BANP: variants seen among roughly 807,000 people sequenced by gnomAD.
BANP encodes the protein protein BANP.
Under a neutral mutation model 68.1 loss-of-function variants are expected in BANP, and 11 were observed. The ratio of observed to expected loss-of-function variants is 0.16; its 90% CI spans 0.10 to 0.27. The LOEUF (loss-of-function observed/expected upper bound fraction) is 0.27, where lower values mean the gene tolerates loss of function less well. Ranked by LOEUF, BANP falls within the 10% of genes least tolerant of loss-of-function variation. The pLI is 1.00. For missense variants in BANP, 504 were observed against 722.7 expected (o/e 0.70, Z 3.47); for synonymous variants, 329 against 303.2 (o/e 1.09, Z -0.88).
At chr16:87,968,834 C>T (rs371193499) in intron 1 of BANP, among the ~76,000 whole-genome samples, 2 of 152,164 alleles carry the variant, frequency 1.3e-5, no homozygotes, top group African/African-American at 4.8e-5. Flanking sequence ...CAGCTTAGAT[C>T]TGCATATTTT....
upstream of BANP, chr16:87,949,369 T>C (rs546329306): frequency 6.6e-6 from 1 of 152,312 alleles, no homozygotes; most frequent in South Asian, 2.1e-4. Flanking sequence ...AATGCAGCCG[T>C]GATTGAGGTG....
intron 11 of BANP, among the ~76,000 whole-genome samples, chr16:88,044,168 G>A (rs1027607298): frequency 1.3e-5 from 2 of 152,224 alleles, no homozygotes; most frequent in African/African-American, 2.4e-5. Flanking sequence ...CGCATTCTGC[G>A]GCGATGCTGC....
intron 1 of BANP, chr16:87,966,827 A>T (rs1401775930): frequency 6.6e-6 from 1 of 152,338 alleles, no homozygotes. Context: ...GCTCCAGAAT[A>T]CCCTGTTTTG....
chr16:88,024,824 A>G (rs140478016), intron 7 of BANP, among the ~76,000 whole-genome samples: 3,213 of 152,336 alleles, frequency 0.021, 59 homozygotes, highest in South Asian at 0.06. Flanking sequence ...TAACCAGATG[A>G]ATATATATTT....
At chr16:87,967,870 C>G (rs1262551727) in intron 1 of BANP, among the ~76,000 whole-genome samples, 3 of 151,986 alleles carry the variant, frequency 2.0e-5, no homozygotes, top group Non-Finnish European at 2.9e-5. Context: ...ATCTGCCCGC[C>G]TTGGCCCCCC....
At chr16:88,038,773 C>G (rs1270248287) in intron 11 of BANP, among the ~76,000 whole-genome samples, 1 of 152,164 alleles carries the variant, frequency 6.6e-6, no homozygotes, top group Non-Finnish European at 1.5e-5. Context: ...TTCCTAGGTC[C>G]TGGTGAAGAC....
intron 13 of BANP, among the ~76,000 whole-genome samples, chr16:88,076,026 A>G (rs2091535453): frequency 6.6e-6 from 1 of 152,214 alleles, no homozygotes; most frequent in South Asian, 2.1e-4. Flanking sequence ...GATTATAGGC[A>G]TGAGCCACTG....
chr16:88,043,082 C>T (rs1224474470), intron 11 of BANP, among the ~76,000 whole-genome samples: 6 of 152,212 alleles, frequency 3.9e-5, no homozygotes, highest in Non-Finnish European at 8.8e-5. Context: ...GAGTCTCAGT[C>T]TCGGGCTTTG....
Position 88,040,763 on chromosome 16 carries a change from G to T in BANP, c.1311+2752G>T, listed in dbSNP as rs545650611. 5.3e-3 allele frequency among the ~76,000 whole-genome samples: 812 copies of T among 152,362 alleles called. 9 individuals carry two copies. The highest frequency in any genetic ancestry group is 0.018 in the African/African-American group (764 of 41,572). On this transcript the variant is annotated intron_variant, in intron 11 of 13. Coordinates refer to ENST00000682872, the MANE Select transcript of BANP (RefSeq NM_001386991.1). ...TGGTGTGAGCACTGGCTTGATTGAT[G>T]GGAGACCCTGCAGCCCACGCTTGTT...
At chr16:87,952,846 C>T (rs2057244381) in intron 1 of BANP, 1 of 152,178 alleles carries the variant, frequency 6.6e-6, no homozygotes, top group South Asian at 2.1e-4. Context: ...GTGATCTTGG[C>T]TCACTGCAGC....
In BANP at chr16:88,072,074, G is replaced by A. The variant is rs1438168160; in HGVS notation, c.1383G>A (p.Leu461=). The change falls in exon 13 of 14, where the codon CTG becomes CTA. Residue 461 remains leucine (L), a synonymous_variant. Coordinates refer to ENST00000682872, the MANE Select transcript of BANP (RefSeq NM_001386991.1). ...SVFKASSGQV[L]QGAQLIAVAS... ...CCCCGTGTGTCTCCCTCCAGGTGCTGCAGGGTGCACAGCTGATCGCCGTGG... is the reference window on the plus strand; with the variant it reads ...CCCCGTGTGTCTCCCTCCAGGTGCTACAGGGTGCACAGCTGATCGCCGTGG... The A allele has an allele frequency of 6.3e-7, 1 of 1,576,660 alleles. No individual in the cohort carries two copies. Among genetic ancestry groups the A allele is most frequent in the Admixed American group, 1.9e-5 (1 of 53,376 alleles).
Position 88,077,011 on chromosome 16 carries a change from G to GA in BANP, c.*360dup, listed in dbSNP as rs199514280. On this transcript the variant is annotated 3_prime_UTR_variant, in exon 14 of 14. Coordinates refer to ENST00000682872, the MANE Select transcript of BANP (RefSeq NM_001386991.1). ...GTGTTTATAACAAAAAAGAAAATTT[G>GA]AAAAAAAAAATCCCAGGGGAGTAGC... is the stretch of plus-strand genomic sequence containing the variant. 3.1e-3 allele frequency: 728 copies of GA among 231,794 alleles called. 11 individuals carry two copies. Among genetic ancestry groups the GA allele is most frequent in the African/African-American group, 0.013 (569 of 42,646 alleles). The allele number at this position is 231,794 out of a possible 1,614,324, so 14.4% of individuals were successfully genotyped here.
intron 13 of BANP, among the ~76,000 whole-genome samples, chr16:88,075,707 G>A (rs993399463): frequency 1.3e-5 from 2 of 151,624 alleles, no homozygotes; most frequent in African/African-American, 4.9e-5. Flanking sequence ...TGAGCTGGAG[G>A]ATGAGTGACT....
At chr16:88,065,232 C>A in intron 11 of BANP, 35 bp from the exon 12 acceptor site, 1 of 705,414 alleles carries the variant, frequency 1.4e-6, no homozygotes, top group Non-Finnish European at 2.6e-6. Context: ...CTTCTGGAGG[C>A]TCCAGGGGAA....
At chr16:88,010,847 C>T (rs1486398037) in intron 6 of BANP, among the ~76,000 whole-genome samples, 4 of 152,356 alleles carry the variant, frequency 2.6e-5, no homozygotes, top group African/African-American at 7.2e-5. Flanking sequence ...CGTGTAGCCA[C>T]GCTATGCTGT....
At position 87,993,441 on chromosome 16, in the gene BANP, G is replaced by T. The variant is rs564456678; in HGVS notation, c.362+9182G>T. ...TCCATCAGTGTGTGCTCATGGAGAT[G>T]TATTTTACACTCTGGGTTAGAATCT... On this transcript the variant is annotated intron_variant, in intron 4 of 13. Coordinates refer to ENST00000682872, the MANE Select transcript of BANP (RefSeq NM_001386991.1). Among the ~76,000 whole-genome samples the T allele has an allele frequency of 2.0e-5, 3 of 152,294 alleles. No homozygotes were observed. The South Asian group carries it at 6.2e-4, about 32-fold the overall frequency.
intron 11 of BANP, among the ~76,000 whole-genome samples, chr16:88,052,835 C>T (rs970420467): frequency 3.3e-5 from 5 of 151,782 alleles, no homozygotes; most frequent in Non-Finnish European, 5.9e-5. Context: ...ACTGTCATCT[C>T]CATCATTATC....
intron 4 of BANP, among the ~76,000 whole-genome samples, chr16:87,986,473 C>T (rs1373782115): frequency 1.3e-5 from 2 of 152,196 alleles, no homozygotes; most frequent in African/African-American, 4.8e-5. Context: ...CTGCACAGGG[C>T]GGAGCTTGGG....
chr16:88,068,432 G>T (rs1352910567), intron 12 of BANP, among the ~76,000 whole-genome samples: 2 of 152,198 alleles, frequency 1.3e-5, no homozygotes, highest in East Asian at 3.9e-4. Context: ...GGCCTGGTGG[G>T]AATAGTTGAG....
Sources: gnomAD v4.1 joint callset for allele counts (sites outside exome capture counted in the v4.1 genomes callset) on GRCh38, gnomAD v4.1.1 for gene constraint, MANE v1.5 for transcripts, NCBI Gene and HGNC (gene_info 2026-07-23, HGNC 2026-07-21) for gene names.